The following DLG2 variants were observed in gnomAD, a reference collection of about 807,000 sequenced individuals.
The protein encoded by DLG2 is discs large MAGUK scaffold protein 2, also known as disks large homolog 2.
A neutral mutation model predicts 132.5 loss-of-function variants in DLG2; 45 were observed. That is an observed-to-expected ratio of 0.34 (90% CI 0.27 to 0.44). The LOEUF (loss-of-function observed/expected upper bound fraction) is 0.44, where lower values mean the gene tolerates loss of function less well. DLG2 is among the 20% of genes least tolerant of loss of function. The pLI is 1.00. For missense variants in DLG2, 1,045 were observed against 1,196.9 expected (o/e 0.87, Z 1.87); for synonymous variants, 424 against 419.6 (o/e 1.01, Z -0.13).
intron 6 of DLG2, among the ~76,000 whole-genome samples, chr11:84,746,331 C>A (rs1328623017): frequency 6.7e-6 from 1 of 149,590 alleles, no homozygotes; most frequent in African/African-American, 2.5e-5. Context: ...CAAAATAATT[C>A]TTTACTACTG....
At chr11:85,515,879 T>C (rs2094159862) in intron 3 of DLG2, among the ~76,000 whole-genome samples, 1 of 152,004 alleles carries the variant, frequency 6.6e-6, no homozygotes, top group African/African-American at 2.4e-5. Context: ...ATAGTCTAGA[T>C]ATAGTTCAAG....
chr11:84,311,893 C>A (rs7121214), intron 7 of DLG2, among the ~76,000 whole-genome samples: 55,397 of 152,082 alleles, frequency 0.36, 10,288 homozygotes, highest in East Asian at 0.59. Context: ...TCAAAAATTT[C>A]TCTCTTTTTA....
chr11:84,546,859 T>C (rs375082745), intron 6 of DLG2: 15 of 188,118 alleles, frequency 8.0e-5, no homozygotes, highest in East Asian at 5.0e-4. Context: ...AGTAGGAAGA[T>C]AGACTTTAGT....
At chr11:84,481,185 A>C (rs1461500944) in intron 7 of DLG2, among the ~76,000 whole-genome samples, 6 of 152,194 alleles carry the variant, frequency 3.9e-5, no homozygotes, top group African/African-American at 1.2e-4. Context: ...TATTTTGTCT[A>C]TCATATGGAT....
chr11:83,853,967 T>C (rs2060145537), intron 16 of DLG2, among the ~76,000 whole-genome samples: 1 of 152,136 alleles, frequency 6.6e-6, no homozygotes, highest in Admixed American at 6.5e-5. Flanking sequence ...AACATAATAC[T>C]CTTTGTATAA....
At chr11:84,097,040 C>T (rs971191657) in intron 10 of DLG2, among the ~76,000 whole-genome samples, 245 of 152,260 alleles carry the variant, frequency 1.6e-3, no homozygotes, top group African/African-American at 5.6e-3. Flanking sequence ...AGCTTATATG[C>T]TTAATGAAAA....
chr11:85,553,444 CT>C (rs1449753225), intron 3 of DLG2, among the ~76,000 whole-genome samples: 156 of 141,704 alleles, frequency 1.1e-3, no homozygotes, highest in Admixed American at 1.5e-3. Context: ...ATAACAAGTG[CT>C]TTTTTTTTTT....
At chr11:85,343,622 T>C (rs1282079043) in intron 3 of DLG2, among the ~76,000 whole-genome samples, 1 of 151,006 alleles carries the variant, frequency 6.6e-6, no homozygotes, top group African/African-American at 2.5e-5. Context: ...ACACGTTCTC[T>C]CTCTCTCTCT....
intron 6 of DLG2, among the ~76,000 whole-genome samples, chr11:84,931,196 G>C (rs557002599): frequency 6.6e-5 from 10 of 152,076 alleles, no homozygotes; most frequent in Admixed American, 1.3e-4. Flanking sequence ...TTCATGTTGA[G>C]GTTTGTTAAT....
At chr11:84,670,016 T>A (rs769963008) in intron 6 of DLG2, among the ~76,000 whole-genome samples, 2 of 152,172 alleles carry the variant, frequency 1.3e-5, no homozygotes, top group African/African-American at 4.8e-5. Context: ...AGAAGTTCTT[T>A]GGACTGGAGA....
intron 6 of DLG2, among the ~76,000 whole-genome samples, chr11:84,551,449 G>C (rs1276166247): frequency 6.6e-6 from 1 of 152,160 alleles, no homozygotes; most frequent in East Asian, 1.9e-4. Flanking sequence ...TGCCCTGCTG[G>C]GAACTGACAG....
At chr11:84,050,911 G>A (rs551587422) in intron 11 of DLG2, among the ~76,000 whole-genome samples, 1 of 151,990 alleles carries the variant, frequency 6.6e-6, no homozygotes, top group East Asian at 1.9e-4. Context: ...TGCTGTTTTG[G>A]TTACTGTAGC....
chr11:85,460,475 T>C lies in DLG2; in HGVS notation c.40+138182A>G, dbSNP rs537702107. ...ATTTCCTGGCAGTGTGGGAGCCTACTCTGGCTCCATGCCACTCCTGGGTGG... is the reference window on the plus strand; with the variant it reads ...ATTTCCTGGCAGTGTGGGAGCCTACCCTGGCTCCATGCCACTCCTGGGTGG... On this transcript the variant is annotated intron_variant, in intron 3 of 27. Coordinates refer to ENST00000376104, the MANE Select transcript of DLG2 (RefSeq NM_001142699.3). Among the ~76,000 whole-genome samples the C allele has an allele frequency of 5.3e-5, 8 of 152,342 alleles. No homozygotes were observed. In the South Asian group the frequency reaches 1.7e-3, roughly 32 times the overall value.
intron 4 of DLG2, among the ~76,000 whole-genome samples, chr11:85,270,726 C>T (rs1435488834): frequency 6.6e-6 from 1 of 152,146 alleles, no homozygotes; most frequent in Non-Finnish European, 1.5e-5. Context: ...GTGAAGGTGA[C>T]TCTTGTTATG....
At chr11:85,549,099 A>G (rs2076506133) in intron 3 of DLG2, among the ~76,000 whole-genome samples, 1 of 152,156 alleles carries the variant, frequency 6.6e-6, no homozygotes, top group African/African-American at 2.4e-5. Context: ...TTTGTGCTGG[A>G]AACCCAGAGC....
intron 3 of DLG2, among the ~76,000 whole-genome samples, chr11:85,401,314 A>T (rs1222563630): frequency 6.6e-6 from 1 of 152,154 alleles, no homozygotes; most frequent in Non-Finnish European, 1.5e-5. Flanking sequence ...ACTCTCAATA[A>T]ACTAGGTGTT....
intron 4 of DLG2, among the ~76,000 whole-genome samples, chr11:85,264,097 G>A (rs914325287): frequency 6.6e-6 from 1 of 152,120 alleles, no homozygotes; most frequent in Non-Finnish European, 1.5e-5. Context: ...CAGGTTTGTG[G>A]TTAGCTGTCT....
At chr11:83,484,735 G>GTGTCT (rs2093389083) in intron 21 of DLG2, among the ~76,000 whole-genome samples, 1 of 151,016 alleles carries the variant, frequency 6.6e-6, no homozygotes, top group Admixed American at 6.6e-5. Flanking sequence ...TTTCTTCTTA[G>GTGTCT]TGTCTTGATG....
chr11:84,534,647 G>A lies in DLG2; in HGVS notation c.442C>T (p.His148Tyr). ...TGAGAGAGGTTCTTTTCTGATACAT[G>A]CACGAGTTCTGGGCCTCTTACTTCG... ...THEVRGPELVHVSEKNLSQIE... is the reference protein window; with the variant it reads ...THEVRGPELVYVSEKNLSQIE... Residue 148 changes from histidine to tyrosine, a missense_variant, in exon 7 of 28, where the codon CAT becomes TAT. Coordinates refer to ENST00000376104, the MANE Select transcript of DLG2 (RefSeq NM_001142699.3). 2 of 1,613,920 alleles carry A rather than the reference G, an allele frequency of 1.2e-6. No individual in the cohort carries two copies. The highest frequency in any genetic ancestry group is 1.7e-6 in the Non-Finnish European group (2 of 1,179,882).
Sources: allele counts gnomAD v4.1 joint callset (sites outside exome capture counted in the v4.1 genomes callset), GRCh38; gene constraint gnomAD v4.1.1; transcripts MANE v1.5; gene names NCBI Gene and HGNC (gene_info 2026-07-23, HGNC 2026-07-21).